The following DUSP22 variants were observed in gnomAD, a reference collection of about 807,000 sequenced individuals.
DUSP22 encodes dual specificity phosphatase 22, also known as dual specificity protein phosphatase 22.
A neutral mutation model predicts 24.5 loss-of-function variants in DUSP22; 24 were observed. The observed-to-expected ratio is 0.98, with a 90% CI of 0.71 to 1.38. The LOEUF (loss-of-function observed/expected upper bound fraction) is 1.38, where lower values mean the gene tolerates loss of function less well. Among genes scored for constraint, DUSP22 ranks in the 40% most tolerant of loss-of-function variants. The probability of loss-of-function intolerance (pLI) is 0.00; values close to 1 mark genes in which losing one functional copy is unlikely to be tolerated. For synonymous variants in DUSP22, 160 were observed against 106.4 expected (o/e 1.50, Z -3.10); for missense variants, 330 against 269.2 (o/e 1.23, Z -1.58).
chr6:292,971 C>T (rs1470191540), intron 1 of DUSP22, among the ~76,000 whole-genome samples: 1 of 152,276 alleles, frequency 6.6e-6, no homozygotes, highest in Non-Finnish European at 1.5e-5. Flanking sequence ...AAACGGGTGT[C>T]CTCTGTAATT....
Position 304,493 on chromosome 6 carries a change from G to C in DUSP22, c.22-135G>C, listed in dbSNP as rs1454623231. 24 of 1,316,914 alleles carry C rather than the reference G, an allele frequency of 1.8e-5. No homozygotes were observed. The Admixed American group carries it at 2.0e-4, about 11-fold the overall frequency. The allele number at this position is 1,316,914 out of a possible 1,614,324, so 81.6% of individuals were successfully genotyped here. The stretch of plus-strand genomic sequence containing the variant: ...CCGCTGGGGATGTTGGGTCACCCGC[G>C]TGTCTGTCAGGGAGGTGCTGTACTG... On this transcript the variant is annotated intron_variant, in intron 1 of 6. Transcript: ENST00000419235.
chr6:304,137 T>A (rs1757707387), intron 1 of DUSP22, among the ~76,000 whole-genome samples: 1 of 152,426 alleles, frequency 6.6e-6, no homozygotes, highest in South Asian at 2.1e-4. Context: ...GGTCATGCCC[T>A]CGCAGCAGCA....
At chr6:294,425 A>G (rs1038570105) in intron 1 of DUSP22, among the ~76,000 whole-genome samples, 1 of 152,280 alleles carries the variant, frequency 6.6e-6, no homozygotes, top group Admixed American at 6.5e-5. Context: ...ACAGGTCAGC[A>G]TTGTCCAGCA....
At chr6:319,500 C>T (rs940795026) in intron 3 of DUSP22, among the ~76,000 whole-genome samples, 1 of 152,308 alleles carries the variant, frequency 6.6e-6, no homozygotes, top group Non-Finnish European at 1.5e-5. Flanking sequence ...GACTTTCTTT[C>T]CTGTGTGATC....
intron 5 of DUSP22, among the ~76,000 whole-genome samples, chr6:347,370 G>C (rs1428514874): frequency 1.3e-5 from 2 of 152,308 alleles, no homozygotes; most frequent in African/African-American, 4.8e-5. Context: ...TTCTAAAAGT[G>C]AGACATTTGC....
intron 3 of DUSP22, among the ~76,000 whole-genome samples, chr6:322,363 T>C (rs1263519296): frequency 6.6e-6 from 1 of 152,296 alleles, no homozygotes; most frequent in Non-Finnish European, 1.5e-5. Flanking sequence ...GTGTGGGTTC[T>C]AGTTAGTCTC....
At chr6:336,028 C>T (rs1301211455) in intron 4 of DUSP22, among the ~76,000 whole-genome samples, 1 of 152,308 alleles carries the variant, frequency 6.6e-6, no homozygotes, top group Non-Finnish European at 1.5e-5. Flanking sequence ...GGATAGGGCT[C>T]TGGGGACCCG....
At chr6:324,729 G>A (rs1240479268) in intron 3 of DUSP22, among the ~76,000 whole-genome samples, 1 of 152,306 alleles carries the variant, frequency 6.6e-6, no homozygotes, top group Non-Finnish European at 1.5e-5. Flanking sequence ...AGGATGTGGT[G>A]TTCGGCTGGA....
intron 1 of DUSP22, among the ~76,000 whole-genome samples, chr6:304,032 G>A (rs997987448): frequency 1.4e-4 from 21 of 152,310 alleles, no homozygotes; most frequent in Admixed American, 5.2e-4. Context: ...ATTGTTGACT[G>A]TCATCCTGGC....
At chr6:310,086 G>T (rs1758004020) in intron 2 of DUSP22, among the ~76,000 whole-genome samples, 1 of 152,302 alleles carries the variant, frequency 6.6e-6, no homozygotes, top group South Asian at 2.1e-4. Flanking sequence ...TCAGCCTCCT[G>T]AGTAGTGGGG....
intron 2 of DUSP22, among the ~76,000 whole-genome samples, chr6:307,309 C>T (rs1221967569): frequency 6.6e-6 from 1 of 152,246 alleles, no homozygotes; most frequent in East Asian, 1.9e-4. Context: ...CGTTTCCTTT[C>T]TTCCCTCCCC....
rs899934816 is a variant in DUSP22 at position 349,814 on chromosome 6, G to A, written c.*863G>A. On this transcript the variant is annotated 3_prime_UTR_variant, in exon 7 of 7. Transcript: ENST00000419235. ...AGTTCTACTTGGTGTTTGTTCTCTG[G>A]AGCTGATTGCACTTGAGCTCTGTGG... 1.7e-5 allele frequency: 17 copies of A among 985,786 alleles called. No homozygotes were observed. The highest frequency in any genetic ancestry group is 1.6e-4 in the African/African-American group (9 of 57,278). 61.1% of individuals were successfully genotyped at this position (985,786 alleles called of 1,614,324 possible). A position where few individuals can be genotyped will look rare whatever the true frequency, so the allele number is the denominator to read the frequency against.
At chr6:323,232 G>T (rs561624668) in intron 3 of DUSP22, among the ~76,000 whole-genome samples, 1 of 99,840 alleles carries the variant, frequency 1.0e-5, no homozygotes, top group African/African-American at 3.9e-5. Flanking sequence ...TTTTAAAGGC[G>T]TGTGTGCATG....
intron 3 of DUSP22, among the ~76,000 whole-genome samples, chr6:313,128 C>A (rs867668654): frequency 6.6e-6 from 1 of 152,298 alleles, no homozygotes; most frequent in Admixed American, 6.5e-5. Context: ...TAAAATACAG[C>A]CAAGCTATGG....
chr6:295,551 G>A (rs1008959193), intron 1 of DUSP22, among the ~76,000 whole-genome samples: 1 of 152,250 alleles, frequency 6.6e-6, no homozygotes, highest in Admixed American at 6.5e-5. Context: ...GAGGCAGGTG[G>A]ACTGCTTGAG....
At chr6:339,220 AGG>A (rs1327285261) in intron 4 of DUSP22, among the ~76,000 whole-genome samples, 9 of 152,298 alleles carry the variant, frequency 5.9e-5, no homozygotes, top group African/African-American at 2.2e-4. Context: ...TAGTGAATTA[AGG>A]GCTTTGGAAA....
intron 1 of DUSP22, among the ~76,000 whole-genome samples, chr6:298,038 C>T (rs1347187905): frequency 6.6e-6 from 1 of 152,306 alleles, no homozygotes; most frequent in African/African-American, 2.4e-5. Context: ...AGGAAATGAA[C>T]ACTCAGCCAC....
intron 4 of DUSP22, among the ~76,000 whole-genome samples, chr6:342,101 C>T (rs1486682518): frequency 6.6e-6 from 1 of 152,300 alleles, no homozygotes; most frequent in Non-Finnish European, 1.5e-5. Context: ...TGGTGAGGTT[C>T]GTACAACTGA....
intron 3 of DUSP22, among the ~76,000 whole-genome samples, chr6:315,833 T>C (rs1194486153): frequency 1.3e-5 from 2 of 152,312 alleles, no homozygotes; most frequent in African/African-American, 2.4e-5. Flanking sequence ...CAGAAGTGAG[T>C]TCATCCCAAG....
Sources: gnomAD v4.1 joint callset for allele counts (sites outside exome capture counted in the v4.1 genomes callset) on GRCh38, gnomAD v4.1.1 for gene constraint, MANE v1.5 for transcripts, NCBI Gene and HGNC (gene_info 2026-07-23, HGNC 2026-07-21) for gene names.